The following RBPJ variants were observed in gnomAD, a reference collection of about 807,000 sequenced individuals.
RBPJ encodes the protein recombination signal binding protein for immunoglobulin kappa J region.
RBPJ carries 9 observed loss-of-function variants against 67.8 expected under a neutral mutation model. That is an observed-to-expected ratio of 0.13 (90% CI 0.08 to 0.23). The LOEUF is 0.23. Ranked by LOEUF, RBPJ falls within the 10% of genes least tolerant of loss-of-function variation. The probability of loss-of-function intolerance (pLI) is 1.00; values close to 1 mark genes in which losing one functional copy is unlikely to be tolerated. For synonymous variants in RBPJ, 198 were observed against 203.3 expected (o/e 0.97, Z 0.22); for missense variants, 305 against 595.6 (o/e 0.51, Z 5.08).
At chr4:26,121,107 G>T in the RBPJ span, among the ~76,000 whole-genome samples, 1 of 151,998 alleles carries the variant, frequency 6.6e-6, no homozygotes, top group Non-Finnish European at 1.5e-5. Flanking sequence ...CAAAATGATT[G>T]ACTTCCTCCA....
chr4:26,214,612 ATG>A (rs1718571261), intron 1 of RBPJ, among the ~76,000 whole-genome samples: 7 of 120,832 alleles, frequency 5.8e-5, no homozygotes, highest in African/African-American at 2.5e-4. Context: ...CAGAGAGAGA[ATG>A]AAAAAGAAAA....
chr4:26,111,480 A>T, the RBPJ span, among the ~76,000 whole-genome samples: 1 of 152,228 alleles, frequency 6.6e-6, no homozygotes, highest in Non-Finnish European at 1.5e-5. Context: ...CTGATGGGCT[A>T]AAGCTGGCCA....
At chr4:26,305,778 T>TC (rs986313298) in intron 1 of RBPJ, among the ~76,000 whole-genome samples, 4 of 129,462 alleles carry the variant, frequency 3.1e-5, no homozygotes, top group South Asian at 2.4e-4. Context: ...TTTCTTTTTT[T>TC]TTTTTTTTTT....
intron 1 of RBPJ, among the ~76,000 whole-genome samples, chr4:26,202,027 C>T (rs1717997029): frequency 6.6e-6 from 1 of 152,218 alleles, no homozygotes; most frequent in Admixed American, 6.5e-5. Context: ...AACTTTCTTT[C>T]CCATTCTCTG....
At chr4:26,411,121 A>C (rs969380267) in intron 3 of RBPJ, among the ~76,000 whole-genome samples, 4 of 152,184 alleles carry the variant, frequency 2.6e-5, no homozygotes, top group African/African-American at 9.7e-5. Flanking sequence ...CACATAAGAT[A>C]TATTTTAGGC....
chr4:26,160,086 T>G (rs1716050032), upstream of RBPJ, among the ~76,000 whole-genome samples: 1 of 151,786 alleles, frequency 6.6e-6, no homozygotes, highest in Non-Finnish European at 1.5e-5. Flanking sequence ...GCCCGGCTAA[T>G]TTTTTGTATT....
intron 1 of RBPJ, among the ~76,000 whole-genome samples, chr4:26,191,206 T>TAGAGAG (rs1460217249): frequency 0.01 from 308 of 30,400 alleles, 2 homozygotes; most frequent in Non-Finnish European, 0.013. Flanking sequence ...TATATATATA[T>TAGAGAG]ATATAGAGAG....
chr4:26,217,605 C>A (rs560372290), intron 1 of RBPJ, among the ~76,000 whole-genome samples: 1 of 152,224 alleles, frequency 6.6e-6, no homozygotes, highest in African/African-American at 2.4e-5. Context: ...AACTGTGAAG[C>A]GGCCTCCTGA....
chr4:26,338,543 TG>T (rs1725146889), intron 1 of RBPJ, among the ~76,000 whole-genome samples: 1 of 151,782 alleles, frequency 6.6e-6, no homozygotes, highest in East Asian at 1.9e-4. Context: ...CTTTTTTGTT[TG>T]TTTTGGTGTG....
intron 1 of RBPJ, among the ~76,000 whole-genome samples, chr4:26,209,103 A>ATATG (rs1353900563): frequency 2.0e-5 from 3 of 148,922 alleles, no homozygotes; most frequent in African/African-American, 7.4e-5. Context: ...AAAAAAATAT[A>ATATG]TATATATATA....
At chr4:26,379,161 C>T (rs1006856314) in intron 1 of RBPJ, among the ~76,000 whole-genome samples, 1 of 152,062 alleles carries the variant, frequency 6.6e-6, no homozygotes, top group African/African-American at 2.4e-5. Context: ...GAAATCTACC[C>T]CATAGGATGT....
At chr4:26,213,435 G>A (rs1425544578) in intron 1 of RBPJ, among the ~76,000 whole-genome samples, 3 of 152,286 alleles carry the variant, frequency 2.0e-5, no homozygotes, top group Middle Eastern at 3.4e-3. Context: ...ATGAGAAGGG[G>A]TCAGGTATTT....
chr4:26,364,545 G>A (rs1200749238), intron 1 of RBPJ, among the ~76,000 whole-genome samples: 3 of 149,842 alleles, frequency 2.0e-5, no homozygotes, highest in Non-Finnish European at 4.4e-5. Flanking sequence ...TTTTAACTCC[G>A]CAGAGGTTTT....
the RBPJ span, chr4:26,113,144 AG>A: frequency 2.3e-5 from 5 of 221,308 alleles, no homozygotes; most frequent in Non-Finnish European, 4.7e-5. Flanking sequence ...TACACAAGAA[AG>A]ATTCCCCATG....
chr4:26,189,283 T>C (rs1485951267), intron 1 of RBPJ, among the ~76,000 whole-genome samples: 1 of 152,144 alleles, frequency 6.6e-6, no homozygotes, highest in Non-Finnish European at 1.5e-5. Context: ...TTTAATAAAG[T>C]TATTTAATGG....
intron 1 of RBPJ, among the ~76,000 whole-genome samples, chr4:26,250,667 A>G (rs537691626): frequency 3.3e-5 from 5 of 152,102 alleles, no homozygotes; most frequent in South Asian, 2.1e-4. Flanking sequence ...CATTGTCTGT[A>G]TATACTACAT....
intron 1 of RBPJ, among the ~76,000 whole-genome samples, chr4:26,310,218 C>T (rs1025923556): frequency 6.6e-6 from 1 of 152,134 alleles, no homozygotes. Flanking sequence ...TCCTGGAGTT[C>T]GAGCTTATTT....
intron 1 of RBPJ, among the ~76,000 whole-genome samples, chr4:26,299,783 A>C (rs1298632803): frequency 6.8e-6 from 1 of 146,396 alleles, no homozygotes; most frequent in East Asian, 2.0e-4. Context: ...GGTTCAAGCG[A>C]TTCTCCTGCC....
chr4:26,415,439 G>C lies in RBPJ; in HGVS notation c.156-36G>C. ...GCTTTATTGAATCTAATTGATTTTT[G>C]CTTCTTGTTTTTTTTTTTCCCCTAT... On this transcript the variant is annotated intron_variant, in intron 3 of 10. Transcript: ENST00000355476. 4.1e-6 allele frequency: 6 copies of C among 1,467,586 alleles called. No individual in the cohort carries two copies. The South Asian group carries it at 6.5e-5, about 16-fold the overall frequency. 90.9% of individuals were successfully genotyped at this position (1,467,586 alleles called of 1,614,324 possible). A position where few individuals can be genotyped will look rare whatever the true frequency, so the allele number is the denominator to read the frequency against.
Sources: gnomAD v4.1 joint callset for allele counts (sites outside exome capture counted in the v4.1 genomes callset) on GRCh38, gnomAD v4.1.1 for gene constraint, MANE v1.5 for transcripts, NCBI Gene and HGNC (gene_info 2026-07-23, HGNC 2026-07-21) for gene names.